Variants in STUM observed in about 807,000 individuals in gnomAD.
STUM encodes stum, mechanosensory transduction mediator homolog.
STUM carries 8 observed loss-of-function variants against 15.3 expected under a neutral mutation model. The ratio of observed to expected loss-of-function variants is 0.52; its 90% confidence interval spans 0.31 to 0.94. The LOEUF (loss-of-function observed/expected upper bound fraction) is 0.94. STUM is among the 40% of genes least tolerant of loss of function. STUM has a pLI of 0.05. For missense variants in STUM, 142 were observed against 204.9 expected (o/e 0.69, Z 1.87); for synonymous variants, 78 against 88.7 (o/e 0.88, Z 0.68).
chr1:226,570,735 A>C (rs1323569260), intron 1 of STUM, among the ~76,000 whole-genome samples: 6 of 152,204 alleles, frequency 3.9e-5, no homozygotes, highest in Non-Finnish European at 8.8e-5. Flanking sequence ...GTGAGGGCTG[A>C]ACCTGGGAGA....
At chr1:226,579,629 T>TC (rs36005806) in intron 1 of STUM, among the ~76,000 whole-genome samples, 1 of 56,294 alleles carries the variant, frequency 1.8e-5, no homozygotes, top group African/African-American at 9.1e-5. Context: ...GCCTTATTTC[T>TC]TTTTCTTTTT....
chr1:226,570,057 C>T (rs972372034), intron 1 of STUM, among the ~76,000 whole-genome samples: 1 of 152,192 alleles, frequency 6.6e-6, no homozygotes, highest in African/African-American at 2.4e-5. Flanking sequence ...CCAACCTGAG[C>T]CCCGCCCCTC....
chr1:226,556,187 T>C (rs965114414), intron 1 of STUM, among the ~76,000 whole-genome samples: 2 of 152,188 alleles, frequency 1.3e-5, no homozygotes, highest in African/African-American at 4.8e-5. Context: ...TTAACGATGA[T>C]ACAGAGGAAG....
At chr1:226,589,220 G>A (rs970301181) in intron 1 of STUM, among the ~76,000 whole-genome samples, 8 of 152,170 alleles carry the variant, frequency 5.3e-5, no homozygotes, top group Non-Finnish European at 1.0e-4. Flanking sequence ...TGAACCCGGT[G>A]AGAACTCCAA....
At chr1:226,569,417 T>G (rs1308294644) in intron 1 of STUM, among the ~76,000 whole-genome samples, 1 of 151,838 alleles carries the variant, frequency 6.6e-6, no homozygotes, top group Non-Finnish European at 1.5e-5. Flanking sequence ...ACAGGGTGAG[T>G]CTTCACTCAG....
At chr1:226,601,975 T>C in intron 3 of STUM, 31 bp from the exon 4 acceptor site, 1 of 1,607,466 alleles carries the variant, frequency 6.2e-7, no homozygotes, top group Non-Finnish European at 8.5e-7. Context: ...AGCAGGTGTC[T>C]AACCATCTCT....
At chr1:226,594,892 G>A (rs1352512422) in intron 1 of STUM, among the ~76,000 whole-genome samples, 3 of 152,208 alleles carry the variant, frequency 2.0e-5, no homozygotes. Flanking sequence ...CTAACCTCAG[G>A]CGATCTGCCC....
intron 1 of STUM, among the ~76,000 whole-genome samples, chr1:226,573,872 G>A (rs1404198526): frequency 6.8e-6 from 1 of 147,174 alleles, no homozygotes. Flanking sequence ...GTCTTGCTCT[G>A]TCGCCAGGCT....
At chr1:226,596,294 C>T (rs1242604079) in intron 1 of STUM, among the ~76,000 whole-genome samples, 1 of 152,140 alleles carries the variant, frequency 6.6e-6, no homozygotes, top group Non-Finnish European at 1.5e-5. Context: ...CTCTTGGCTC[C>T]TGTCCCTTAG....
chr1:226,566,657 A>G (rs1667630866), intron 1 of STUM, among the ~76,000 whole-genome samples: 1 of 152,226 alleles, frequency 6.6e-6, no homozygotes, highest in Non-Finnish European at 1.5e-5. Context: ...AAAAAATCAA[A>G]CTTTGCTTTC....
intron 1 of STUM, among the ~76,000 whole-genome samples, chr1:226,579,068 A>G (rs7531513): frequency 0.011 from 1,698 of 152,220 alleles, 35 homozygotes; most frequent in South Asian, 0.097. Context: ...GATGCACTTG[A>G]CCTGTATGGA....
intron 1 of STUM, among the ~76,000 whole-genome samples, chr1:226,587,914 C>A (rs766688190): frequency 6.6e-6 from 1 of 152,156 alleles, no homozygotes; most frequent in Non-Finnish European, 1.5e-5. Context: ...GTGATGGGAT[C>A]ACAATGAAAT....
At position 226,604,207 on chromosome 1, in the gene STUM, TGAA is replaced by T. The variant is rs1668320384; in HGVS notation, c.*2173_*2175del. The T allele has an allele frequency of 1.3e-5, 2 of 151,802 alleles. No individual in the cohort carries two copies. Among genetic ancestry groups the T allele is most frequent in the Admixed American group, 6.6e-5 (1 of 15,254 alleles). The allele number at this position is 151,802 out of a possible 1,614,324, so 9.4% of individuals were successfully genotyped here. ...GGGCTGGGGGCGGCTGCTGAGGGGGTGAAGAAGAGATAGCAATTTATGTCGCAT... is the reference window on the plus strand; with the variant it reads ...GGGCTGGGGGCGGCTGCTGAGGGGGTGAAGAGATAGCAATTTATGTCGCAT... On this transcript the variant is annotated 3_prime_UTR_variant, in exon 4 of 4. Transcript: ENST00000366788. The surrounding 1 kb of genome is among the most constrained non-coding windows in gnomAD (Gnocchi z 4.7).
At chr1:226,556,547 T>C (rs1411237782) in intron 1 of STUM, among the ~76,000 whole-genome samples, 1 of 152,164 alleles carries the variant, frequency 6.6e-6, no homozygotes, top group Non-Finnish European at 1.5e-5. Context: ...ATGGTCTAAA[T>C]TAAGTGCCGT....
At chr1:226,587,968 G>T (rs1314582122) in intron 1 of STUM, among the ~76,000 whole-genome samples, 1 of 152,080 alleles carries the variant, frequency 6.6e-6, no homozygotes, top group Non-Finnish European at 1.5e-5. Context: ...ACCTCACTAT[G>T]GTGTCTGTGC....
chr1:226,563,612 A>G (rs1163899101), intron 1 of STUM, among the ~76,000 whole-genome samples: 2 of 152,252 alleles, frequency 1.3e-5, no homozygotes, highest in African/African-American at 4.8e-5. Flanking sequence ...AGGAATCTGA[A>G]TGCTTCAGCC....
In STUM at chr1:226,548,881, G is replaced by A. The variant is rs1390203333; in HGVS notation, c.-24G>A. On this transcript the variant is annotated 5_prime_UTR_variant, in exon 1 of 4. Transcript: ENST00000366788. ...GGCGCCAGCTCCGGCCGTGCTGCCC[G>A]GCTGCCTGAGAGCGCGCCCGGCCAT... The A allele has an allele frequency of 1.5e-6, 2 of 1,340,510 alleles. No individual in the cohort carries two copies. Among genetic ancestry groups the A allele is most frequent in the South Asian group, 2.1e-5 (1 of 48,054 alleles). 83.0% of individuals were successfully genotyped at this position (1,340,510 alleles called of 1,614,324 possible).
chr1:226,586,479 C>T (rs1261574610), intron 1 of STUM, among the ~76,000 whole-genome samples: 1 of 152,158 alleles, frequency 6.6e-6, no homozygotes, highest in Non-Finnish European at 1.5e-5. Context: ...CGGGCATTAG[C>T]CTGCATGTCT....
chr1:226,599,347 C>T lies in STUM; in HGVS notation c.383-1319C>T, dbSNP rs567487162. 7.9e-5 allele frequency among the ~76,000 whole-genome samples: 12 copies of T among 152,334 alleles called. No homozygotes were observed. In the South Asian group the frequency reaches 1.7e-3, roughly 21 times the overall value. ...TTTTTTTCCCACAACTAATCCCACC[C>T]CCAAAGGGTGAACAGTTGCTACTCA... On this transcript the variant is annotated intron_variant, in intron 2 of 3. Transcript: ENST00000366788.
Sources: gnomAD v4.1 joint callset for allele counts (sites outside exome capture counted in the v4.1 genomes callset) on GRCh38, gnomAD v4.1.1 for gene constraint, Gnocchi (gnomAD v3.1) non-coding constraint, MANE v1.5 for transcripts, NCBI Gene and HGNC (gene_info 2026-07-23, HGNC 2026-07-21) for gene names.